The following GALNT10 variants were observed in gnomAD, a reference collection of about 807,000 sequenced individuals.
GALNT10 encodes GalNAc transferase 10.
In GALNT10, 41 loss-of-function variants were observed where a neutral mutation model predicts 75.0. The ratio of observed to expected loss-of-function variants is 0.55; its 90% confidence interval spans 0.43 to 0.71. The LOEUF is 0.71. GALNT10 is among the 30% of genes least tolerant of loss of function. GALNT10 has a pLI of 0.00. For missense variants in GALNT10, 727 were observed against 818.5 expected, an observed-to-expected ratio of 0.89 and a Z score of 1.36; for synonymous variants, 302 against 313.0, an observed-to-expected ratio of 0.96 and a Z score of 0.37.
At chr5:154,383,737 TTGTGGC>T (rs1755767527) in intron 6 of GALNT10, among the ~76,000 whole-genome samples, 1 of 152,158 alleles carries the variant, frequency 6.6e-6, no homozygotes, top group Admixed American at 6.5e-5. Flanking sequence ...AGCGGTAGAT[TTGTGGC>T]TCCAGCCAAA....
chr5:154,239,702 G>A (rs1319874818), intron 1 of GALNT10, among the ~76,000 whole-genome samples: 1 of 152,184 alleles, frequency 6.6e-6, no homozygotes, highest in Non-Finnish European at 1.5e-5. Flanking sequence ...TTACAGATGT[G>A]AACCGCCCAT....
chr5:154,390,837 A>T (rs1339682621), intron 7 of GALNT10, among the ~76,000 whole-genome samples: 2 of 152,264 alleles, frequency 1.3e-5, no homozygotes, highest in African/African-American at 4.8e-5. Flanking sequence ...ATTATGGCAG[A>T]ACAAATGGCA....
At chr5:154,408,873 A>AG (rs1756337062) in intron 8 of GALNT10, among the ~76,000 whole-genome samples, 1 of 152,172 alleles carries the variant, frequency 6.6e-6, no homozygotes, top group East Asian at 1.9e-4. Flanking sequence ...TGGAAAGTCC[A>AG]AGGTAGCTCT....
At chr5:154,338,011 G>A (rs573827183) in intron 4 of GALNT10, 31 of 1,541,262 alleles carry the variant, frequency 2.0e-5, no homozygotes, top group African/African-American at 6.8e-5. Context: ...CCACTGCCTC[G>A]ATCAGTCATG....
chr5:154,324,214 G>T (rs1383204409), intron 3 of GALNT10, among the ~76,000 whole-genome samples: 1 of 152,212 alleles, frequency 6.6e-6, no homozygotes, highest in Non-Finnish European at 1.5e-5. Context: ...ATAAGGCAGC[G>T]CTCTGTGCAG....
intron 4 of GALNT10, chr5:154,347,305 G>C (rs991200991): frequency 2.2e-6 from 1 of 456,058 alleles, no homozygotes; most frequent in Non-Finnish European, 4.2e-6. Context: ...TGGATCAAGA[G>C]TGATACACTA....
intron 1 of GALNT10, among the ~76,000 whole-genome samples, chr5:154,224,128 T>C (rs1462450039): frequency 2.6e-5 from 4 of 152,162 alleles, no homozygotes; most frequent in Admixed American, 6.5e-5. Context: ...CCAGAGGCAA[T>C]AGTGATCCAC....
chr5:154,252,794 A>G (rs1417614386), intron 1 of GALNT10, among the ~76,000 whole-genome samples: 1 of 151,574 alleles, frequency 6.6e-6, no homozygotes, highest in Non-Finnish European at 1.5e-5. Flanking sequence ...TTTCCTTATT[A>G]CCTTGTTTTG....
chr5:154,408,381 C>G (rs1023510440), intron 8 of GALNT10, among the ~76,000 whole-genome samples: 1 of 151,878 alleles, frequency 6.6e-6, no homozygotes, highest in Non-Finnish European at 1.5e-5. Flanking sequence ...GAGGTAAAAC[C>G]GAAGAGTTAA....
intron 7 of GALNT10, among the ~76,000 whole-genome samples, chr5:154,394,601 A>G (rs1755978552): frequency 1.3e-5 from 2 of 152,304 alleles, no homozygotes; most frequent in Non-Finnish European, 2.9e-5. Context: ...TCCAGTCTAA[A>G]GAGAGGCCCG....
intron 7 of GALNT10, 48 bp downstream of exon 7, chr5:154,386,478 G>T (rs764518665): frequency 8.6e-7 from 1 of 1,167,638 alleles, no homozygotes; most frequent in Non-Finnish European, 1.3e-6. Flanking sequence ...CCTCCTGAGT[G>T]CCTGTCCCAG....
At chr5:154,249,100 G>C (rs1203742011) in intron 1 of GALNT10, among the ~76,000 whole-genome samples, 1 of 152,230 alleles carries the variant, frequency 6.6e-6, no homozygotes, top group East Asian at 1.9e-4. Context: ...CCAGCTATCT[G>C]ATCCTAGGTA....
intron 4 of GALNT10, among the ~76,000 whole-genome samples, chr5:154,339,307 C>T (rs1019847643): frequency 6.6e-5 from 10 of 152,202 alleles, no homozygotes; most frequent in African/African-American, 2.4e-4. Context: ...CAGGCTTTCT[C>T]GATTCTCTTC....
At chr5:154,368,759 A>G (rs1000271266) in intron 4 of GALNT10, among the ~76,000 whole-genome samples, 3 of 152,228 alleles carry the variant, frequency 2.0e-5, no homozygotes, top group African/African-American at 7.2e-5. Flanking sequence ...TGATATAAAC[A>G]TAGCTTTCCT....
At chr5:154,385,866 A>C (rs1210901468) in intron 6 of GALNT10, among the ~76,000 whole-genome samples, 1 of 152,206 alleles carries the variant, frequency 6.6e-6, no homozygotes, top group African/African-American at 2.4e-5. Flanking sequence ...TGCCTCCCGC[A>C]AGGATTGTTT....
chr5:154,297,903 A>G (rs1754305112), intron 2 of GALNT10, 38 bp from the exon 3 acceptor site: 2 of 1,594,650 alleles, frequency 1.3e-6, no homozygotes, highest in Non-Finnish European at 1.7e-6. Context: ...AGTACCCCAT[A>G]CATCATTAGC....
chr5:154,242,560 C>A (rs149998084), intron 1 of GALNT10, among the ~76,000 whole-genome samples: 1 of 152,190 alleles, frequency 6.6e-6, no homozygotes, highest in African/African-American at 2.4e-5. Context: ...CATAAACCCT[C>A]CCTGGAGAGG....
intron 1 of GALNT10, among the ~76,000 whole-genome samples, chr5:154,233,910 C>T (rs1289163444): frequency 6.6e-6 from 1 of 152,120 alleles, no homozygotes; most frequent in Non-Finnish European, 1.5e-5. Flanking sequence ...ATTATCTGAC[C>T]AGATGTCCTG....
chr5:154,210,640 C>A (rs544583779), intron 1 of GALNT10, among the ~76,000 whole-genome samples: 1 of 152,274 alleles, frequency 6.6e-6, no homozygotes, highest in South Asian at 2.1e-4. Context: ...TCCGTTTTCC[C>A]CCCAACTATT....
Sources: allele counts gnomAD v4.1 joint callset (sites outside exome capture counted in the v4.1 genomes callset), GRCh38; gene constraint gnomAD v4.1.1; transcripts MANE v1.5; gene names NCBI Gene and HGNC (gene_info 2026-07-23, HGNC 2026-07-21).